The following SERPINE2 variants were observed in gnomAD, a reference collection of about 807,000 sequenced individuals.
SERPINE2 encodes the protein serpin family E member 2, also known as glia-derived nexin.
A neutral mutation model predicts 36.3 loss-of-function variants in SERPINE2; 14 were observed. The ratio of observed to expected loss-of-function variants is 0.39; its 90% CI spans 0.25 to 0.60. SERPINE2 has a LOEUF of 0.60. SERPINE2 is among the 20% of genes least tolerant of loss of function. SERPINE2 has a pLI of 0.57. For synonymous variants in SERPINE2, 192 were observed against 191.8 expected, an observed-to-expected ratio of 1.00 and a Z score of -0.01; for missense variants, 418 against 499.6, an observed-to-expected ratio of 0.84 and a Z score of 1.56.
intron 1 of SERPINE2, among the ~76,000 whole-genome samples, chr2:224,024,180 A>C (rs1692106812): frequency 1.3e-5 from 2 of 152,220 alleles, no homozygotes; most frequent in African/African-American, 2.4e-5. Flanking sequence ...TTCCACTTTA[A>C]GAAAGGTTCC....
In SERPINE2 at chr2:224,001,995, CAGA is replaced by C. The variant is rs1559207112; in HGVS notation, c.-22-76_-22-74del. On this transcript the variant is annotated intron_variant, in intron 1 of 8. Coordinates refer to ENST00000409304, the MANE Select transcript of SERPINE2 (RefSeq NM_001136528.2). ...TTTACTACTTTTTTTTTTTTTCCCC[CAGA>C]TAGAGACTCGTTCTTTCACCCAGGC... 1,006 of 1,304,232 alleles carry C rather than the reference CAGA, an allele frequency of 7.7e-4. 3 individuals carry two copies. The African/African-American group carries it at 0.011, about 15-fold the overall frequency. 80.8% of individuals were successfully genotyped at this position (1,304,232 alleles called of 1,614,324 possible).
At position 224,038,410 on chromosome 2, in the gene SERPINE2, C is replaced by T. The variant is rs372711984; in HGVS notation, c.-23+689G>A. The T allele has an allele frequency of 4.2e-5, 52 of 1,228,136 alleles. No homozygotes were observed. In the African/African-American group the frequency reaches 4.6e-4, roughly 11 times the overall value. The allele number at this position is 1,228,136 out of a possible 1,614,324, so 76.1% of individuals were successfully genotyped here. On this transcript the variant is annotated intron_variant, in intron 1 of 8. Transcript: ENST00000409304. ...GAGTGCTGTCTTATGTAATAGAAGCCTTCCTTCCCCGCTCAGTTTGTGGAC... is the reference window on the plus strand; with the variant it reads ...GAGTGCTGTCTTATGTAATAGAAGCTTTCCTTCCCCGCTCAGTTTGTGGAC...
intron 4 of SERPINE2, among the ~76,000 whole-genome samples, chr2:223,990,585 T>A (rs1359989317): frequency 6.6e-6 from 1 of 152,214 alleles, no homozygotes; most frequent in Non-Finnish European, 1.5e-5. Context: ...TATTTTTTTA[T>A]GGACTATAAA....
chr2:224,023,483 A>T (rs1475875765), intron 1 of SERPINE2, among the ~76,000 whole-genome samples: 1 of 152,218 alleles, frequency 6.6e-6, no homozygotes, highest in Non-Finnish European at 1.5e-5. Context: ...GGAAGCCAGG[A>T]AAGTGCTGAG....
intron 1 of SERPINE2, among the ~76,000 whole-genome samples, chr2:224,021,006 C>G (rs1407438259): frequency 6.6e-6 from 1 of 152,178 alleles, no homozygotes; most frequent in Non-Finnish European, 1.5e-5. Context: ...AACAAACGCT[C>G]CTAGACATGA....
rs188797915 is a variant in SERPINE2, at chr2:223,993,715, C to G, written c.488-1715G>C. On this transcript the variant is annotated intron_variant, in intron 3 of 8. Coordinates refer to ENST00000409304, the MANE Select transcript of SERPINE2 (RefSeq NM_001136528.2). ...TGAAACTCAAGAGGATTCTGATGTA[C>G]AGTAAACAAGTGTTTACATAAATCA... Among the ~76,000 whole-genome samples the G allele has an allele frequency of 7.2e-5, 11 of 152,204 alleles. No individual in the cohort carries two copies. The East Asian group carries it at 1.2e-3, about 16-fold the overall frequency.
At chr2:224,010,459 C>A (rs932318041) in intron 1 of SERPINE2, 1 of 734,184 alleles carries the variant, frequency 1.4e-6, no homozygotes, top group Non-Finnish European at 1.7e-6. Context: ...ATATATTATC[C>A]ATTCTGAAAT....
At chr2:223,995,650 T>C (rs1446647486) in intron 3 of SERPINE2, among the ~76,000 whole-genome samples, 2 of 152,230 alleles carry the variant, frequency 1.3e-5, no homozygotes, top group African/African-American at 2.4e-5. Flanking sequence ...ATCCTTTTCA[T>C]GTATGCTGAA....
intron 7 of SERPINE2, chr2:223,978,528 T>G (rs1690102239): frequency 6.6e-6 from 1 of 152,272 alleles, no homozygotes; most frequent in South Asian, 2.1e-4. Flanking sequence ...GAAAGCAAAC[T>G]TCTTTAGCCT....
At position 223,983,755 on chromosome 2, in the gene SERPINE2, TG is replaced by T. The variant is rs1559195506; in HGVS notation, c.885-975del. On this transcript the variant is annotated intron_variant, in intron 5 of 8. Coordinates refer to ENST00000409304, the MANE Select transcript of SERPINE2 (RefSeq NM_001136528.2). The stretch of plus-strand genomic sequence containing the variant: ...GTGTATATGTGTGTGTGTGTGTGTG[TG>T]TGTGTGTGTAAATGTCAGTTACTGT... Among the ~76,000 whole-genome samples, 493 of 148,318 alleles carry T rather than the reference TG, an allele frequency of 3.3e-3. 2 individuals are homozygous for T. Among genetic ancestry groups the T allele is most frequent in the Admixed American group, 7.0e-3 (105 of 15,006 alleles).
At chr2:223,992,722 T>C (rs1429562714) in intron 3 of SERPINE2, among the ~76,000 whole-genome samples, 5 of 152,188 alleles carry the variant, frequency 3.3e-5, no homozygotes, top group African/African-American at 1.2e-4. Flanking sequence ...GTAACTGAAA[T>C]GTTAATTACT....
intron 1 of SERPINE2, among the ~76,000 whole-genome samples, chr2:224,014,363 G>C (rs568790899): frequency 8.6e-5 from 13 of 151,750 alleles, no homozygotes; most frequent in African/African-American, 2.9e-4. Flanking sequence ...CAACAATCAA[G>C]ACACTGTCTC....
At chr2:223,998,076 A>G (rs768431764) in intron 3 of SERPINE2, 39 bp downstream of exon 3, 5 of 1,530,538 alleles carry the variant, frequency 3.3e-6, no homozygotes, top group Non-Finnish European at 3.6e-6. Flanking sequence ...TGCTTCATTC[A>G]CAAACTATGC....
At chr2:224,038,451 T>C (rs1692598934) in intron 1 of SERPINE2, 8 of 1,542,120 alleles carry the variant, frequency 5.2e-6, no homozygotes, top group Non-Finnish European at 7.0e-6. Context: ...AAATGCCTAA[T>C]TCCTTCCAGA....
intron 1 of SERPINE2, among the ~76,000 whole-genome samples, chr2:224,005,487 TAAG>T (rs922800720): frequency 6.6e-6 from 1 of 152,200 alleles, no homozygotes; most frequent in African/African-American, 2.4e-5. Flanking sequence ...TATACGTGTC[TAAG>T]AATAAGCTTT....
chr2:223,982,634 TG>T, intron 6 of SERPINE2, 46 bp downstream of exon 6: 1 of 1,158,822 alleles, frequency 8.6e-7, no homozygotes, highest in Non-Finnish European at 1.3e-6. Flanking sequence ...AGTCTCAGTT[TG>T]TAACACTTTC....
chr2:224,017,711 A>G (rs1390607312), intron 1 of SERPINE2, among the ~76,000 whole-genome samples: 1 of 152,150 alleles, frequency 6.6e-6, no homozygotes, highest in Non-Finnish European at 1.5e-5. Context: ...GTGTAATAGT[A>G]GTTCTTACTT....
chr2:224,003,897 AC>A (rs1451361200), intron 1 of SERPINE2, among the ~76,000 whole-genome samples: 1 of 152,060 alleles, frequency 6.6e-6, no homozygotes, highest in Non-Finnish European at 1.5e-5. Context: ...GAGACAGGTG[AC>A]CTGGAGGGAG....
chr2:224,026,631 CAG>C (rs2106197496), intron 1 of SERPINE2, among the ~76,000 whole-genome samples: 1 of 152,246 alleles, frequency 6.6e-6, no homozygotes, highest in African/African-American at 2.4e-5. Flanking sequence ...TTTTTTGCTT[CAG>C]ACACAGTTTC....
Sources: gnomAD v4.1 joint callset for allele counts (sites outside exome capture counted in the v4.1 genomes callset) on GRCh38, gnomAD v4.1.1 for gene constraint, MANE v1.5 for transcripts, NCBI Gene and HGNC (gene_info 2026-07-23, HGNC 2026-07-21) for gene names.